IMMP2L: variants seen among roughly 807,000 people sequenced by gnomAD.
IMMP2L encodes the protein mitochondrial inner membrane protease subunit 2.
A neutral mutation model predicts 19.3 loss-of-function variants in IMMP2L; 18 were observed. The observed-to-expected ratio is 0.93, with a 90% CI of 0.64 to 1.38. The LOEUF is 1.38. Among genes scored for constraint, IMMP2L ranks in the 40% most tolerant of loss-of-function variants. IMMP2L has a pLI of 0.00. For missense variants in IMMP2L, 233 were observed against 218.2 expected (o/e 1.07, Z -0.43); for synonymous variants, 76 against 73.0 (o/e 1.04, Z -0.21).
At chr7:111,341,909 T>A (rs1584714304) in intron 3 of IMMP2L, among the ~76,000 whole-genome samples, 1 of 152,118 alleles carries the variant, frequency 6.6e-6, no homozygotes. Context: ...GACTTCTTTT[T>A]GCTCTTCCAC....
chr7:110,705,356 T>C (rs1341788449), intron 5 of IMMP2L, among the ~76,000 whole-genome samples: 1 of 152,192 alleles, frequency 6.6e-6, no homozygotes, highest in African/African-American at 2.4e-5. Context: ...TGTGCAACTT[T>C]AAATGTACTG....
chr7:110,692,037 C>T (rs1203308150), intron 5 of IMMP2L, among the ~76,000 whole-genome samples: 1 of 152,228 alleles, frequency 6.6e-6, no homozygotes, highest in East Asian at 1.9e-4. Flanking sequence ...TTCACAATTG[C>T]AAAGAAATGG....
At chr7:110,766,446 G>A (rs1248882318) in intron 5 of IMMP2L, among the ~76,000 whole-genome samples, 1 of 151,864 alleles carries the variant, frequency 6.6e-6, no homozygotes, top group Non-Finnish European at 1.5e-5. Context: ...GCATATATTA[G>A]CCGGGCGTGG....
intron 2 of IMMP2L, among the ~76,000 whole-genome samples, chr7:111,503,667 T>C (rs539359966): frequency 6.6e-6 from 1 of 152,094 alleles, no homozygotes; most frequent in Non-Finnish European, 1.5e-5. Context: ...TAGTTCAACA[T>C]ACACAAATCA....
At chr7:111,239,779 A>G (rs533874498) in intron 3 of IMMP2L, among the ~76,000 whole-genome samples, 2 of 152,102 alleles carry the variant, frequency 1.3e-5, no homozygotes, top group East Asian at 3.9e-4. Context: ...AAAATGAGCC[A>G]AATCAACTGA....
At chr7:110,894,022 T>C (rs1000021810) in intron 4 of IMMP2L, among the ~76,000 whole-genome samples, 1 of 152,076 alleles carries the variant, frequency 6.6e-6, no homozygotes, top group Non-Finnish European at 1.5e-5. Context: ...CAGAACTCTC[T>C]TCCACCAGGA....
chr7:111,363,750 A>G (rs772012050), intron 3 of IMMP2L, among the ~76,000 whole-genome samples: 1 of 152,088 alleles, frequency 6.6e-6, no homozygotes, highest in African/African-American at 2.4e-5. Flanking sequence ...AAATTAAAAT[A>G]CAAGCATATA....
At chr7:110,985,308 G>A (rs560440694) in intron 3 of IMMP2L, among the ~76,000 whole-genome samples, 1 of 152,068 alleles carries the variant, frequency 6.6e-6, no homozygotes, top group East Asian at 1.9e-4. Context: ...ACTAATATAG[G>A]CCAGTTTTCT....
At chr7:110,868,126 T>TGTGTGTGTGTGTGTGTGTGG (rs1808173008) in intron 5 of IMMP2L, among the ~76,000 whole-genome samples, 1 of 151,602 alleles carries the variant, frequency 6.6e-6, no homozygotes, top group African/African-American at 2.4e-5. Context: ...TTTGTGTGTG[T>TGTGTGTGTGTGTGTGTGTGG]GTGTGTGTGT....
At chr7:110,851,553 C>T (rs1806229108) in intron 5 of IMMP2L, among the ~76,000 whole-genome samples, 1 of 152,072 alleles carries the variant, frequency 6.6e-6, no homozygotes, top group South Asian at 2.1e-4. Context: ...GTGGTCAGCT[C>T]AGTACCTCAT....
chr7:110,979,101 T>C (rs1160369572), intron 3 of IMMP2L, among the ~76,000 whole-genome samples: 3 of 152,110 alleles, frequency 2.0e-5, no homozygotes, highest in African/African-American at 7.2e-5. Flanking sequence ...GGACCAACCA[T>C]GTTCCAGTAA....
At chr7:110,732,647 T>G (rs966809805) in intron 5 of IMMP2L, among the ~76,000 whole-genome samples, 1 of 152,188 alleles carries the variant, frequency 6.6e-6, no homozygotes, top group African/African-American at 2.4e-5. Context: ...AATAACTGGT[T>G]TTTTTAGGAA....
At position 111,061,706 on chromosome 7, in the gene IMMP2L, T is replaced by C. The variant is rs538737340; in HGVS notation, c.240-98141A>G. Among the ~76,000 whole-genome samples the C allele has an allele frequency of 4.6e-5, 7 of 152,326 alleles. No individual in the cohort carries two copies. In the South Asian group the frequency reaches 1.2e-3, roughly 27 times the overall value. ...AGGTCTTTTGGGCTCCACTTTGCACTGTTCCCACCCAGTTTCCAAAACACA... is the reference window on the plus strand; with the variant it reads ...AGGTCTTTTGGGCTCCACTTTGCACCGTTCCCACCCAGTTTCCAAAACACA... On this transcript the variant is annotated intron_variant, in intron 3 of 5. Coordinates refer to ENST00000405709, the MANE Select transcript of IMMP2L (RefSeq NM_032549.4).
chr7:110,832,672 C>A (rs1804076774), intron 5 of IMMP2L, among the ~76,000 whole-genome samples: 1 of 152,048 alleles, frequency 6.6e-6, no homozygotes, highest in Non-Finnish European at 1.5e-5. Flanking sequence ...GCATTTTGCA[C>A]ATAGTGATAA....
chr7:110,963,716 G>C, intron 3 of IMMP2L, 151 bp from the exon 4 acceptor site: 1 of 415,652 alleles, frequency 2.4e-6, no homozygotes, highest in Non-Finnish European at 4.3e-6. Flanking sequence ...TCGGTTCCAA[G>C]TGACATGAAG....
At chr7:110,866,395 C>A (rs191848549) in intron 5 of IMMP2L, among the ~76,000 whole-genome samples, 2 of 151,690 alleles carry the variant, frequency 1.3e-5, no homozygotes, top group African/African-American at 4.8e-5. Flanking sequence ...AAGAGGCAAG[C>A]AGAAGGAAGA....
chr7:111,317,217 C>T (rs1824206154), intron 3 of IMMP2L, among the ~76,000 whole-genome samples: 1 of 152,048 alleles, frequency 6.6e-6, no homozygotes, highest in Non-Finnish European at 1.5e-5. Flanking sequence ...AGGCCTCTGA[C>T]TTTACATCCT....
chr7:111,015,983 A>T (rs576729487), intron 3 of IMMP2L, among the ~76,000 whole-genome samples: 107 of 152,184 alleles, frequency 7.0e-4, no homozygotes, highest in Non-Finnish European at 1.1e-3. Context: ...CAATGCATTC[A>T]ACTCCCTAGG....
At chr7:111,441,046 G>T (rs967953042) in intron 3 of IMMP2L, among the ~76,000 whole-genome samples, 3 of 151,874 alleles carry the variant, frequency 2.0e-5, no homozygotes, top group Non-Finnish European at 4.4e-5. Flanking sequence ...TCAGGCCCTT[G>T]CTCTACATTA....
Sources: allele counts gnomAD v4.1 joint callset (sites outside exome capture counted in the v4.1 genomes callset), GRCh38; gene constraint gnomAD v4.1.1; transcripts MANE v1.5; gene names NCBI Gene and HGNC (gene_info 2026-07-23, HGNC 2026-07-21).